POLR1D: variants seen among roughly 807,000 people sequenced by gnomAD.
The protein encoded by POLR1D is RNA polymerase I and III subunit D, also known as DNA-directed RNA polymerases I and III subunit RPAC2.
Under a neutral mutation model 10.8 loss-of-function variants are expected in POLR1D, and 8 were observed. The observed-to-expected ratio is 0.74, with a 90% CI of 0.43 to 1.33. The LOEUF (loss-of-function observed/expected upper bound fraction) is 1.33, where lower values mean the gene tolerates loss of function less well. Among genes scored for constraint, POLR1D ranks in the 40% most tolerant of loss-of-function variants. POLR1D has a pLI of 0.01. For missense variants in POLR1D, 152 were observed against 161.7 expected (o/e 0.94, Z 0.32); for synonymous variants, 54 against 57.2 (o/e 0.94, Z 0.25).
chr13:27,665,230 C>T (rs1956403711), intron 2 of POLR1D: 1 of 164,310 alleles, frequency 6.1e-6, no homozygotes, highest in African/African-American at 2.4e-5. Flanking sequence ...CCTTTAGCTC[C>T]TGTATTTAAT....
chr13:27,653,921 A>G (rs1338586288), intron 2 of POLR1D, among the ~76,000 whole-genome samples: 2 of 152,210 alleles, frequency 1.3e-5, no homozygotes, highest in African/African-American at 4.8e-5. Flanking sequence ...CCTTACAAAG[A>G]TATGTATTTT....
At chr13:27,660,622 A>G (rs1956354324) in intron 2 of POLR1D, among the ~76,000 whole-genome samples, 1 of 152,156 alleles carries the variant, frequency 6.6e-6, no homozygotes. Flanking sequence ...CTGTGTGTGC[A>G]TCTGCTGCTT....
chr13:27,665,071 A>T (rs543575984), intron 2 of POLR1D: 1 of 153,718 alleles, frequency 6.5e-6, no homozygotes, highest in Non-Finnish European at 1.4e-5. Context: ...TATCCTGCAC[A>T]GAAATTCACC....
downstream of POLR1D, among the ~76,000 whole-genome samples, chr13:27,628,382 A>G (rs904707020): frequency 9.2e-5 from 14 of 152,246 alleles, no homozygotes; most frequent in Non-Finnish European, 1.8e-4. Context: ...CTGATGGCAG[A>G]GTTAGACAAT....
intron 2 of POLR1D, chr13:27,660,955 T>C (rs1464573945): frequency 6.6e-6 from 1 of 152,244 alleles, no homozygotes; most frequent in Non-Finnish European, 1.5e-5. Context: ...CTGGCGATCC[T>C]GTGTCACTCT....
chr13:27,652,822 A>C (rs1456759703), intron 2 of POLR1D, among the ~76,000 whole-genome samples: 1 of 148,130 alleles, frequency 6.8e-6, no homozygotes, highest in African/African-American at 2.5e-5. Flanking sequence ...AGCCGAGATC[A>C]CACCACTGCA....
intron 2 of POLR1D, among the ~76,000 whole-genome samples, chr13:27,655,649 G>A (rs978419141): frequency 3.9e-5 from 6 of 152,126 alleles, no homozygotes; most frequent in African/African-American, 1.4e-4. Flanking sequence ...TAAAGCTGGT[G>A]ACTACCAGAT....
intron 1 of POLR1D, among the ~76,000 whole-genome samples, chr13:27,628,507 A>G (rs1374807451): frequency 6.6e-6 from 1 of 152,236 alleles, no homozygotes; most frequent in East Asian, 1.9e-4. Context: ...GAGAAATACA[A>G]GAAGAGAGAG....
chr13:27,625,234 G>A (rs1263053499), downstream of POLR1D, among the ~76,000 whole-genome samples: 1 of 152,180 alleles, frequency 6.6e-6, no homozygotes, highest in South Asian at 2.1e-4. Flanking sequence ...TTTAGGTTCA[G>A]TGGGAATGAC....
At chr13:27,647,633 C>T (rs1212216485) in intron 1 of POLR1D, among the ~76,000 whole-genome samples, 1 of 152,130 alleles carries the variant, frequency 6.6e-6, no homozygotes, top group African/African-American at 2.4e-5. Flanking sequence ...TATGAGTGTC[C>T]TGTGCCAAAA....
chr13:27,621,868 C>G (rs1438382749), upstream of POLR1D: 2 of 1,106,680 alleles, frequency 1.8e-6, no homozygotes, highest in Admixed American at 2.0e-5. Flanking sequence ...CTCCTTCCGT[C>G]CTCCGCGCCT....
At chr13:27,646,459 G>A (rs186237433) in intron 1 of POLR1D, among the ~76,000 whole-genome samples, 15 of 152,314 alleles carry the variant, frequency 9.8e-5, no homozygotes, top group Admixed American at 7.8e-4. Flanking sequence ...GTGGTCATCA[G>A]ATGAACTTAC....
At chr13:27,653,631 T>G (rs1956285865) in intron 2 of POLR1D, among the ~76,000 whole-genome samples, 1 of 152,212 alleles carries the variant, frequency 6.6e-6, no homozygotes, top group African/African-American at 2.4e-5. Flanking sequence ...CAAAGAGCTT[T>G]TGTTTATGTG....
At chr13:27,627,931 T>C (rs1157065921), downstream of POLR1D, among the ~76,000 whole-genome samples, 9 of 152,052 alleles carry the variant, frequency 5.9e-5, no homozygotes, top group Non-Finnish European at 1.3e-4. Context: ...ACAGATTCTA[T>C]AGAGGGGTAA....
upstream of POLR1D, chr13:27,621,769 C>G (rs1955925485): frequency 2.5e-6 from 1 of 395,248 alleles, no homozygotes; most frequent in Admixed American, 4.7e-5. Flanking sequence ...CGAGCCACCG[C>G]TCACCCCGCG....
At chr13:27,622,522 A>G (rs1307527442) in intron 1 of POLR1D, 1 of 307,356 alleles carries the variant, frequency 3.3e-6, no homozygotes, top group Non-Finnish European at 6.1e-6. Context: ...CGGGATTTCT[A>G]TGCCTTTCAA....
At chr13:27,623,599 CA>C, downstream of POLR1D, 1 of 243,854 alleles carries the variant, frequency 4.1e-6, no homozygotes, top group Non-Finnish European at 8.2e-6. Context: ...AGTATATATC[CA>C]TGTCTGTAGT....
intron 2 of POLR1D, among the ~76,000 whole-genome samples, chr13:27,662,362 A>ACCCC (rs35414935): frequency 1.2e-4 from 18 of 150,960 alleles, no homozygotes; most frequent in African/African-American, 3.9e-4. Context: ...TGTACTAGAC[A>ACCCC]CCCCCCCCAC....
downstream of POLR1D, among the ~76,000 whole-genome samples, chr13:27,625,139 T>C (rs1221457460): frequency 1.3e-5 from 2 of 152,142 alleles, no homozygotes; most frequent in East Asian, 3.9e-4. Flanking sequence ...AAGATTTGCA[T>C]GTTTTTGTAG....
Sources: allele counts gnomAD v4.1 joint callset (sites outside exome capture counted in the v4.1 genomes callset), GRCh38; gene constraint gnomAD v4.1.1; transcripts MANE v1.5; gene names NCBI Gene and HGNC (gene_info 2026-07-23, HGNC 2026-07-21).